HYDIN: variants seen among roughly 807,000 people sequenced by gnomAD.
HYDIN encodes the protein HYDIN axonemal central pair apparatus protein, also known as axonemal central pair apparatus protein HYDIN.
HYDIN carries 132 observed loss-of-function variants against 403.9 expected under a neutral mutation model. The observed-to-expected ratio is 0.33, with a 90% CI of 0.28 to 0.38. The LOEUF (loss-of-function observed/expected upper bound fraction) is 0.38. Ranked by LOEUF, HYDIN falls within the 10% of genes least tolerant of loss-of-function variation. HYDIN has a pLI of 1.00. For missense variants in HYDIN, 2,827 were observed against 5,009.5 expected, an observed-to-expected ratio of 0.56 and a Z score of 13.15; for synonymous variants, 1,202 against 1,891.7, an observed-to-expected ratio of 0.64 and a Z score of 9.46.
intron 7 of HYDIN, among the ~76,000 whole-genome samples, chr16:71,149,252 T>C (rs1597886025): frequency 1.3e-5 from 2 of 152,114 alleles, no homozygotes; most frequent in African/African-American, 2.4e-5. Flanking sequence ...CCGAGTAGAA[T>C]GGCTAAAATT....
intron 6 of HYDIN, among the ~76,000 whole-genome samples, chr16:71,157,307 TA>T: frequency 6.6e-6 from 1 of 152,030 alleles, no homozygotes; most frequent in South Asian, 2.1e-4. Context: ...TGTGGGACAT[TA>T]TTTCTAGCTG....
intron 43 of HYDIN, among the ~76,000 whole-genome samples, chr16:70,939,468 T>C (rs918250434): frequency 5.3e-5 from 8 of 152,210 alleles, no homozygotes; most frequent in Admixed American, 1.3e-4. Context: ...CATCTGCATT[T>C]GAAATGTCCT....
intron 47 of HYDIN, among the ~76,000 whole-genome samples, chr16:70,910,747 CA>C (rs1211557872): frequency 8.7e-6 from 1 of 115,550 alleles, no homozygotes; most frequent in Non-Finnish European, 1.8e-5. Context: ...GCATCCATGC[CA>C]ACAGCTACTG....
intron 8 of HYDIN, among the ~76,000 whole-genome samples, chr16:71,136,766 C>CAAAAAAAAAAA (rs72061209): frequency 3.0e-5 from 3 of 101,394 alleles, no homozygotes; most frequent in South Asian, 3.1e-4. Context: ...GACTCCATCT[C>CAAAAAAAAAAA]AAAAAAAAAA....
At chr16:71,078,968 G>A (rs2082701776) in intron 13 of HYDIN, among the ~76,000 whole-genome samples, 1 of 152,190 alleles carries the variant, frequency 6.6e-6, no homozygotes, top group Non-Finnish European at 1.5e-5. Flanking sequence ...TGTGCAGCTT[G>A]GTTGTGGCCA....
chr16:70,856,776 C>T (rs1449856902), intron 72 of HYDIN, among the ~76,000 whole-genome samples: 1 of 152,230 alleles, frequency 6.6e-6, no homozygotes, highest in African/African-American at 2.4e-5. Context: ...TTCCCCCTCC[C>T]ACCTAATTAT....
chr16:70,910,310 A>G lies in HYDIN; in HGVS notation c.8005-1449T>C, dbSNP rs945645247. Among the ~76,000 whole-genome samples the G allele has an allele frequency of 8.9e-4, 135 of 152,016 alleles. 1 individual carries two copies. Among genetic ancestry groups the G allele is most frequent in the African/African-American group, 3.1e-3 (130 of 41,412 alleles). On this transcript the variant is annotated intron_variant, in intron 47 of 85. Transcript: ENST00000393567. ...GCCTTTGTGTCCCCATAGCTTGGCT[A>G]CCACATATCAGTGAGAACATACGAT...
chr16:71,200,321 G>T (rs1030555888), intron 1 of HYDIN, among the ~76,000 whole-genome samples: 1 of 152,072 alleles, frequency 6.6e-6, no homozygotes, highest in Non-Finnish European at 1.5e-5. Context: ...CTATGGACTT[G>T]CCCTGAATTC....
intron 1 of HYDIN, among the ~76,000 whole-genome samples, chr16:71,218,190 G>C (rs989572296): frequency 6.6e-6 from 1 of 152,152 alleles, no homozygotes; most frequent in Admixed American, 6.5e-5. Context: ...CACACCCAGT[G>C]GTTGTTAGCG....
chr16:70,826,595 C>G (rs1292577710), intron 83 of HYDIN, among the ~76,000 whole-genome samples: 3 of 151,238 alleles, frequency 2.0e-5, no homozygotes, highest in Non-Finnish European at 4.4e-5. Flanking sequence ...TTGAGGTTCT[C>G]TTAAAATCTT....
chr16:70,902,821 A>ATATATATATATTTTTTT, intron 52 of HYDIN, among the ~76,000 whole-genome samples: 1 of 47,316 alleles, frequency 2.1e-5, no homozygotes, highest in Non-Finnish European at 3.6e-5. Flanking sequence ...ATATATATAT[A>ATATATATATATTTTTTT]TTTTTTTTTT....
At chr16:71,078,671 A>T (rs1221790766) in intron 13 of HYDIN, among the ~76,000 whole-genome samples, 1 of 151,848 alleles carries the variant, frequency 6.6e-6, no homozygotes, top group African/African-American at 2.4e-5. Flanking sequence ...CACTCAGCTG[A>T]TTGTTTTAGT....
chr16:70,876,844 TAGTAGAAAAAGATG>T (rs1385822947), intron 62 of HYDIN, among the ~76,000 whole-genome samples: 2 of 151,768 alleles, frequency 1.3e-5, no homozygotes, highest in South Asian at 2.1e-4. Context: ...TGAGTAGAAA[TAGTAGAAAAAGATG>T]AGTAGAAATA....
intron 10 of HYDIN, among the ~76,000 whole-genome samples, chr16:71,097,540 A>G (rs1421165999): frequency 1.3e-5 from 2 of 148,618 alleles, no homozygotes; most frequent in Non-Finnish European, 2.9e-5. Flanking sequence ...ATCATTTATG[A>G]AACATTTCCA....
intron 18 of HYDIN, among the ~76,000 whole-genome samples, chr16:71,051,530 C>T (rs2081638232): frequency 6.6e-6 from 1 of 151,912 alleles, no homozygotes. Context: ...CCTGTAGTCC[C>T]AGCTACTAGG....
At chr16:71,154,179 CTCAGG>C (rs1211982862) in intron 6 of HYDIN, among the ~76,000 whole-genome samples, 1 of 148,214 alleles carries the variant, frequency 6.7e-6, no homozygotes, top group Non-Finnish European at 1.5e-5. Flanking sequence ...ACTACAGGAC[CTCAGG>C]TGCTCCCTAC....
chr16:71,215,093 A>T (rs2088810133), intron 1 of HYDIN, among the ~76,000 whole-genome samples: 1 of 152,198 alleles, frequency 6.6e-6, no homozygotes, highest in Admixed American at 6.5e-5. Context: ...CAATTCATCA[A>T]TCAAATAACA....
In HYDIN at chr16:71,175,745, C is replaced by T; in HGVS notation, c.382-4G>A. 1 of 1,614,014 alleles carries T rather than the reference C, an allele frequency of 6.2e-7. No homozygotes were observed. The highest frequency in any genetic ancestry group is 8.5e-7 in the Non-Finnish European group (1 of 1,179,918). ...CAACTTTCACCAACCTTGGAATCTG[C>T]AGGGAAACACATGATGATGAACATC... On this transcript the variant is annotated splice_region_variant and splice_polypyrimidine_tract_variant and intron_variant, in intron 4 of 85. Transcript: ENST00000393567.
chr16:71,221,798 A>T (rs2089214823), intron 1 of HYDIN, among the ~76,000 whole-genome samples: 1 of 152,356 alleles, frequency 6.6e-6, no homozygotes, highest in Middle Eastern at 3.4e-3. Flanking sequence ...AATCAAGTTT[A>T]GCCTAAAGCT....
Sources: gnomAD v4.1 joint callset for allele counts (sites outside exome capture counted in the v4.1 genomes callset) on GRCh38, gnomAD v4.1.1 for gene constraint, MANE v1.5 for transcripts, NCBI Gene and HGNC (gene_info 2026-07-23, HGNC 2026-07-21) for gene names.